Variants in KSR1 observed in about 807,000 individuals in gnomAD.
KSR1 encodes kinase suppressor of ras.
Under a neutral mutation model 92.9 loss-of-function variants are expected in KSR1, and 35 were observed. That is an observed-to-expected ratio of 0.38 (90% CI 0.29 to 0.50). KSR1 has a LOEUF of 0.50. Ranked by LOEUF, KSR1 falls within the 20% of genes least tolerant of loss-of-function variation. The pLI is 0.94. For synonymous variants in KSR1, 467 were observed against 472.6 expected, an observed-to-expected ratio of 0.99 and a Z score of 0.15; for missense variants, 972 against 1,158.5, an observed-to-expected ratio of 0.84 and a Z score of 2.34.
intron 16 of KSR1, 75 bp from the exon 17 acceptor site, chr17:27,609,992 C>T: frequency 6.3e-7 from 1 of 1,579,632 alleles, no homozygotes; most frequent in Non-Finnish European, 8.6e-7. Context: ...GGCCCTGGGG[C>T]AGACCTGTGC....
At chr17:27,567,619 C>A (rs1449878225) in intron 2 of KSR1, among the ~76,000 whole-genome samples, 2 of 152,190 alleles carry the variant, frequency 1.3e-5, no homozygotes, top group African/African-American at 4.8e-5. Flanking sequence ...ACTTGGCGTC[C>A]CTTAGGCAGA....
At chr17:27,583,327 G>A (rs1219421823) in intron 4 of KSR1, among the ~76,000 whole-genome samples, 2 of 152,236 alleles carry the variant, frequency 1.3e-5, no homozygotes, top group South Asian at 2.1e-4. Flanking sequence ...ATGACGTGAT[G>A]CCACGTATGG....
intron 11 of KSR1, among the ~76,000 whole-genome samples, chr17:27,602,967 G>A (rs561021406): frequency 2.0e-5 from 3 of 152,344 alleles, no homozygotes; most frequent in Non-Finnish European, 2.9e-5. Flanking sequence ...TTGGCTGAGC[G>A]GGGAGAGTCT....
In KSR1 at chr17:27,577,664, C is replaced by T. The variant is rs530577825; in HGVS notation, c.520+25C>T. Reference sequence around the variant, plus strand: ...GGTACGTGGGGCCTGCCACCCTCTCCCTTGCCTGGCCTGGTGCCCTTGGGG... The same window carrying T: ...GGTACGTGGGGCCTGCCACCCTCTCTCTTGCCTGGCCTGGTGCCCTTGGGG... On this transcript the variant is annotated intron_variant, in intron 3 of 20. Transcript: ENST00000644974. The surrounding 1 kb of genome is among the most constrained non-coding windows in gnomAD (Gnocchi z 4.5). The T allele has an allele frequency of 1.5e-4, 232 of 1,506,914 alleles. 2 individuals carry two copies. In the South Asian group the frequency reaches 2.1e-3, roughly 14 times the overall value. 93.3% of individuals were successfully genotyped at this position (1,506,914 alleles called of 1,614,324 possible).
intron 5 of KSR1, among the ~76,000 whole-genome samples, chr17:27,586,909 A>G (rs531379165): frequency 2.6e-5 from 4 of 152,244 alleles, no homozygotes; most frequent in East Asian, 1.9e-4. Flanking sequence ...ATCTCGCTCT[A>G]TCACCCAGGC....
intron 1 of KSR1, among the ~76,000 whole-genome samples, chr17:27,461,834 A>G (rs1179050394): frequency 2.7e-5 from 2 of 74,220 alleles, no homozygotes; most frequent in African/African-American, 7.6e-5. Context: ...AAAATCCAGG[A>G]AAGTGCGCCG....
At chr17:27,498,306 C>A (rs1202696340) in intron 1 of KSR1, among the ~76,000 whole-genome samples, 4 of 148,188 alleles carry the variant, frequency 2.7e-5, no homozygotes, top group African/African-American at 1.0e-4. Flanking sequence ...CCACTGCACT[C>A]CAGCCTGGGC....
intron 2 of KSR1, among the ~76,000 whole-genome samples, chr17:27,554,299 C>T (rs554168397): frequency 1.3e-5 from 2 of 152,278 alleles, no homozygotes; most frequent in Non-Finnish European, 2.9e-5. Flanking sequence ...AACAATGGAA[C>T]GCTAGGCATA....
chr17:27,461,260 T>TTTA (rs1224843343), intron 1 of KSR1, among the ~76,000 whole-genome samples: 3 of 152,134 alleles, frequency 2.0e-5, no homozygotes, highest in African/African-American at 7.2e-5. Context: ...TTCGTGTTTT[T>TTTA]AGTAGAGATA....
rs79348765 is a variant in KSR1, at chr17:27,577,730, G to A, written c.520+91G>A. On this transcript the variant is annotated intron_variant, in intron 3 of 20. Coordinates refer to ENST00000644974, the MANE Select transcript of KSR1 (RefSeq NM_001394583.1). The surrounding 1 kb of genome is among the most constrained non-coding windows in gnomAD (Gnocchi z 4.5). ...TGGTGGGTGATGGAGCGGGGCAAGC[G>A]TGGCCCAGGGTTTCTGGGGCAGCCT... is the stretch of plus-strand genomic sequence containing the variant. The A allele has an allele frequency of 0.02, 21,885 of 1,115,034 alleles. 250 individuals are homozygous for A. The highest frequency in any genetic ancestry group is 0.025 in the Non-Finnish European group (18,827 of 762,590). 69.1% of individuals were successfully genotyped at this position (1,115,034 alleles called of 1,614,324 possible).
intron 3 of KSR1, among the ~76,000 whole-genome samples, chr17:27,580,978 G>A (rs911376632): frequency 3.9e-5 from 6 of 152,114 alleles, no homozygotes; most frequent in African/African-American, 1.4e-4. Context: ...TGTTGGCCAG[G>A]TTGGTCTCGA....
intron 1 of KSR1, among the ~76,000 whole-genome samples, chr17:27,469,085 G>C (rs994167557): frequency 4.6e-5 from 7 of 152,268 alleles, no homozygotes; most frequent in African/African-American, 1.7e-4. Flanking sequence ...AGTACAGGAA[G>C]GTGCTATTCT....
rs149145739 is a variant in KSR1 at position 27,463,307 on chromosome 17, C to T, written c.231+6433C>T. 6.9e-3 allele frequency among the ~76,000 whole-genome samples: 1,048 copies of T among 151,988 alleles called. 11 individuals carry two copies. Among genetic ancestry groups the T allele is most frequent in the Non-Finnish European group, 8.3e-3 (561 of 67,978 alleles). On this transcript the variant is annotated intron_variant, in intron 1 of 20. Transcript: ENST00000644974. ...GGTGGATAGCTTGAGTCTAGGAGTT[C>T]GAAACCAGCCTGGGCAACATGGTAA...
At chr17:27,471,568 C>A (rs1183262657) in intron 1 of KSR1, among the ~76,000 whole-genome samples, 1 of 152,090 alleles carries the variant, frequency 6.6e-6, no homozygotes, top group East Asian at 1.9e-4. Context: ...AACACAGTGT[C>A]AGGGGAGGAT....
At chr17:27,465,967 C>G (rs1471094375) in intron 1 of KSR1, among the ~76,000 whole-genome samples, 1 of 152,214 alleles carries the variant, frequency 6.6e-6, no homozygotes, top group Non-Finnish European at 1.5e-5. Flanking sequence ...CTCAGTGCAG[C>G]CTTTCTGTAT....
intron 2 of KSR1, among the ~76,000 whole-genome samples, chr17:27,565,034 C>CCA (rs2072006740): frequency 6.6e-6 from 1 of 152,186 alleles, no homozygotes; most frequent in Admixed American, 6.5e-5. Context: ...TCAGAGACAA[C>CCA]CATTGGCTGT....
chr17:27,500,494 C>T (rs2069139066), intron 1 of KSR1, among the ~76,000 whole-genome samples: 1 of 152,192 alleles, frequency 6.6e-6, no homozygotes, highest in African/African-American at 2.4e-5. Flanking sequence ...CATAGCAATA[C>T]AGGTTTGATG....
rs2073197555 is a variant in KSR1, at chr17:27,592,442, C to G, written c.1192+20C>G. 1 of 1,613,540 alleles carries G rather than the reference C, an allele frequency of 6.2e-7. No individual in the cohort carries two copies. The highest frequency in any genetic ancestry group is 8.5e-7 in the Non-Finnish European group (1 of 1,179,626). ...TGCCACGTGAGTTTTCTGCCTTCCTCTCCTCTGCCTTCTGGATTTGGGTGA... is the reference window on the plus strand; with the variant it reads ...TGCCACGTGAGTTTTCTGCCTTCCTGTCCTCTGCCTTCTGGATTTGGGTGA... On this transcript the variant is annotated intron_variant, in intron 8 of 20. Coordinates refer to ENST00000644974, the MANE Select transcript of KSR1 (RefSeq NM_001394583.1).
At chr17:27,595,230 C>T (rs546914823) in intron 9 of KSR1, among the ~76,000 whole-genome samples, 2 of 152,352 alleles carry the variant, frequency 1.3e-5, no homozygotes, top group Admixed American at 1.3e-4. Flanking sequence ...AAGCACTGGT[C>T]AGATCCAGGG....
Sources: gnomAD v4.1 joint callset for allele counts (sites outside exome capture counted in the v4.1 genomes callset) on GRCh38, gnomAD v4.1.1 for gene constraint, Gnocchi (gnomAD v3.1) non-coding constraint, MANE v1.5 for transcripts, NCBI Gene and HGNC (gene_info 2026-07-23, HGNC 2026-07-21) for gene names.